PCDH15: variants seen among roughly 807,000 people sequenced by gnomAD.
The protein encoded by PCDH15 is protocadherin-15.
A neutral mutation model predicts 178.5 loss-of-function variants in PCDH15; 129 were observed. The observed-to-expected ratio is 0.72, with a 90% CI of 0.63 to 0.84. PCDH15 has a LOEUF of 0.84. PCDH15 is among the 40% of genes least tolerant of loss of function. The pLI is 0.00. For synonymous variants in PCDH15, 800 were observed against 732.0 expected (o/e 1.09, Z -1.50); for missense variants, 2,230 against 2,099.9 (o/e 1.06, Z -1.21).
At chr10:55,368,367 G>A (rs1204553934) in intron 2 of PCDH15, among the ~76,000 whole-genome samples, 5 of 151,944 alleles carry the variant, frequency 3.3e-5, no homozygotes, top group African/African-American at 1.2e-4. Context: ...CCTCTCAACT[G>A]GGTTTATTTT....
chr10:53,855,069 G>T (rs555836791), intron 28 of PCDH15, among the ~76,000 whole-genome samples: 2 of 151,890 alleles, frequency 1.3e-5, no homozygotes, highest in South Asian at 2.1e-4. Context: ...AAAGAAAATG[G>T]CATCATGATT....
At chr10:54,275,292 A>G (rs1248705735) in intron 8 of PCDH15, among the ~76,000 whole-genome samples, 1 of 151,890 alleles carries the variant, frequency 6.6e-6, no homozygotes, top group Admixed American at 6.6e-5. Context: ...ATATTTTACA[A>G]GTTTAACTCA....
In PCDH15 at chr10:54,658,340, C is replaced by A. The variant is rs553629001; in HGVS notation, c.91+5832G>T. On this transcript the variant is annotated intron_variant, in intron 2 of 37. Coordinates refer to ENST00000644397, the MANE Select transcript of PCDH15 (RefSeq NM_001384140.1). ...ATTACTAAGTCATAAATTTATCAGA[C>A]TATCCAAGGTCAATACTAAAGAAAA... Among the ~76,000 whole-genome samples the A allele has an allele frequency of 1.8e-4, 28 of 152,084 alleles. No individual in the cohort carries two copies. In the South Asian group the frequency reaches 5.2e-3, roughly 28 times the overall value.
At chr10:53,916,823 A>G (rs2083565764) in intron 25 of PCDH15, among the ~76,000 whole-genome samples, 1 of 152,140 alleles carries the variant, frequency 6.6e-6, no homozygotes, top group Non-Finnish European at 1.5e-5. Context: ...ATGAGCAAAT[A>G]TATGTAAGGC....
intron 2 of PCDH15, among the ~76,000 whole-genome samples, chr10:55,350,176 A>C (rs1844872444): frequency 6.8e-6 from 1 of 148,048 alleles, no homozygotes; most frequent in Non-Finnish European, 1.5e-5. Context: ...TCATGAATGC[A>C]TTCACACACA....
intron 3 of PCDH15, among the ~76,000 whole-genome samples, 180 bp downstream of exon 3, chr10:54,527,632 T>A (rs1269441686): frequency 6.6e-6 from 1 of 152,138 alleles, no homozygotes; most frequent in East Asian, 1.9e-4. Flanking sequence ...TTATAAATTA[T>A]TCCAAGTAAA....
intron 2 of PCDH15, among the ~76,000 whole-genome samples, chr10:55,489,278 C>A (rs1275378895): frequency 6.6e-6 from 1 of 151,494 alleles, no homozygotes; most frequent in Admixed American, 6.6e-5. Context: ...AGTTTTATTT[C>A]TGCCAATAGT....
At chr10:55,466,663 C>A (rs1237830993) in intron 2 of PCDH15, among the ~76,000 whole-genome samples, 1 of 152,048 alleles carries the variant, frequency 6.6e-6, no homozygotes, top group African/African-American at 2.4e-5. Context: ...AAACGTCTGG[C>A]ATCGAAACGC....
intron 7 of PCDH15, among the ~76,000 whole-genome samples, chr10:54,325,665 C>T (rs928385980): frequency 6.6e-5 from 10 of 152,022 alleles, no homozygotes; most frequent in African/African-American, 7.2e-5. Context: ...ACGAGAATAG[C>T]TTGAACATGG....
At chr10:53,917,091 A>G (rs2083590664) in intron 25 of PCDH15, among the ~76,000 whole-genome samples, 1 of 152,182 alleles carries the variant, frequency 6.6e-6, no homozygotes, top group African/African-American at 2.4e-5. Context: ...AAATAATTTT[A>G]TGAAATCATA....
intron 2 of PCDH15, among the ~76,000 whole-genome samples, chr10:55,567,509 C>T (rs774409545): frequency 7.3e-5 from 11 of 150,402 alleles, no homozygotes; most frequent in South Asian, 6.3e-4. Flanking sequence ...GGCAATTTAC[C>T]TAATGGAAGA....
At chr10:54,635,613 G>A (rs1160572975) in intron 2 of PCDH15, among the ~76,000 whole-genome samples, 2 of 151,750 alleles carry the variant, frequency 1.3e-5, no homozygotes, top group East Asian at 1.9e-4. Flanking sequence ...AATGAAAATT[G>A]TATTAGTTAG....
chr10:54,969,245 T>C (rs1319170328), intron 2 of PCDH15, among the ~76,000 whole-genome samples: 1 of 152,212 alleles, frequency 6.6e-6, no homozygotes, highest in East Asian at 1.9e-4. Context: ...AGAGGCACAT[T>C]ACTTGGAAGC....
intron 2 of PCDH15, among the ~76,000 whole-genome samples, chr10:55,042,059 G>A (rs1466482499): frequency 6.6e-6 from 1 of 152,100 alleles, no homozygotes; most frequent in African/African-American, 2.4e-5. Context: ...GGCGGGAAGA[G>A]TTAGCACAGC....
chr10:54,384,114 G>A (rs192892791), intron 3 of PCDH15, among the ~76,000 whole-genome samples: 2 of 151,698 alleles, frequency 1.3e-5, no homozygotes, highest in South Asian at 2.1e-4. Flanking sequence ...GATTACAGGC[G>A]TGAGCTACTG....
intron 1 of PCDH15, among the ~76,000 whole-genome samples, chr10:55,283,890 G>T (rs1182222772): frequency 6.6e-6 from 1 of 151,850 alleles, no homozygotes; most frequent in Non-Finnish European, 1.5e-5. Context: ...TTAAAAAGTT[G>T]TTATAGCTGT....
intron 6 of PCDH15, among the ~76,000 whole-genome samples, chr10:54,339,998 C>T (rs1021202601): frequency 6.6e-6 from 1 of 152,166 alleles, no homozygotes; most frequent in African/African-American, 2.4e-5. Flanking sequence ...AACTGCAAGA[C>T]CTCATTGCAA....
chr10:55,314,199 G>GTGTATA (rs1242319689), intron 1 of PCDH15, among the ~76,000 whole-genome samples: 8 of 142,834 alleles, frequency 5.6e-5, no homozygotes, highest in African/African-American at 7.6e-5. Context: ...ATGTTTGTGT[G>GTGTATA]TATATATATA....
intron 2 of PCDH15, among the ~76,000 whole-genome samples, chr10:55,010,128 A>G (rs143317988): frequency 6.6e-6 from 1 of 152,278 alleles, no homozygotes; most frequent in African/African-American, 2.4e-5. Context: ...CAATGGACCA[A>G]TCACTCATTA....
Sources: allele counts gnomAD v4.1 joint callset (sites outside exome capture counted in the v4.1 genomes callset), GRCh38; gene constraint gnomAD v4.1.1; transcripts MANE v1.5; gene names NCBI Gene and HGNC (gene_info 2026-07-23, HGNC 2026-07-21).